Variants in RBMS2 observed in about 807,000 individuals in gnomAD.
The protein encoded by RBMS2 is RNA-binding motif, single-stranded-interacting protein 2.
Under a neutral mutation model 58.4 loss-of-function variants are expected in RBMS2, and 38 were observed. That is an observed-to-expected ratio of 0.65 (90% CI 0.50 to 0.85). The LOEUF is 0.85. Among genes scored for constraint, RBMS2 ranks in the 40% least tolerant of loss-of-function variants. The pLI is 0.00. For synonymous variants in RBMS2, 151 were observed against 180.7 expected (o/e 0.84, Z 1.32); for missense variants, 367 against 503.7 (o/e 0.73, Z 2.60).
chr12:56,548,771 A>G (rs2638296), intron 1 of RBMS2, among the ~76,000 whole-genome samples: 143,674 of 152,182 alleles, frequency 0.94, 68,192 homozygotes, highest in East Asian at 1. Context: ...TTAGCAAACC[A>G]TGTGTTTATT....
At position 56,589,308 on chromosome 12, in the gene RBMS2, T is replaced by A. The variant is rs1885127852; in HGVS notation, c.*175T>A. On this transcript the variant is annotated 3_prime_UTR_variant, in exon 14 of 14. Transcript: ENST00000262031. The stretch of plus-strand genomic sequence containing the variant: ...GGCCTGGAAAAAGAAATCTCTACGT[T>A]CCTGCCCTTTACTATTGCTGATGGA... The A allele has an allele frequency of 7.4e-7, 1 of 1,347,012 alleles. No individual in the cohort carries two copies. Among genetic ancestry groups the A allele is most frequent in the Non-Finnish European group, 9.7e-7 (1 of 1,032,458 alleles). The allele number at this position is 1,347,012 out of a possible 1,614,324, so 83.4% of individuals were successfully genotyped here. A position where few individuals can be genotyped will look rare whatever the true frequency, so the allele number is the denominator to read the frequency against.
intron 10 of RBMS2, 26 bp downstream of exon 10, chr12:56,586,952 C>A (rs756499687): frequency 8.8e-6 from 14 of 1,594,232 alleles, no homozygotes; most frequent in Admixed American, 1.7e-5. Context: ...TGGGCAGAAG[C>A]CAAAGAGGCA....
At chr12:56,527,863 A>T (rs764502849) in intron 1 of RBMS2, 1 of 151,218 alleles carries the variant, frequency 6.6e-6, no homozygotes, top group Admixed American at 6.7e-5. Context: ...CTTATTCCAT[A>T]GGAGAATATG....
chr12:56,529,658 G>A (rs747029680), intron 1 of RBMS2, among the ~76,000 whole-genome samples: 1 of 152,126 alleles, frequency 6.6e-6, no homozygotes, highest in Non-Finnish European at 1.5e-5. Flanking sequence ...GCTAAATGTG[G>A]ATGAACCTTA....
Position 56,588,545 on chromosome 12 carries a change from A to G in RBMS2, c.1143+171A>G, listed in dbSNP as rs963823863. 1.1e-4 allele frequency: 69 copies of G among 643,066 alleles called. 1 individual carries two copies. The highest frequency in any genetic ancestry group is 5.4e-5 in the Non-Finnish European group (20 of 367,490). The allele number at this position is 643,066 out of a possible 1,614,324, so 39.8% of individuals were successfully genotyped here. A position where few individuals can be genotyped will look rare whatever the true frequency, so the allele number is the denominator to read the frequency against. Reference sequence around the variant, plus strand: ...GCTCGCTTCGGCAGCATGCATACTAAAATTGGAACAATACAGAGAAGATTA... The same window carrying G: ...GCTCGCTTCGGCAGCATGCATACTAGAATTGGAACAATACAGAGAAGATTA... On this transcript the variant is annotated intron_variant, in intron 12 of 13. Transcript: ENST00000262031.
chr12:56,586,838 G>A lies in RBMS2; in HGVS notation c.874-11G>A, dbSNP rs756367193. On this transcript the variant is annotated splice_polypyrimidine_tract_variant and intron_variant, in intron 9 of 13. Transcript: ENST00000262031. ...CCAGGCAATTAACATTTTTGTTTTT[G>A]CTTGTTTTAGAGAGTGACTCAGACA... The A allele has an allele frequency of 4.4e-6, 7 of 1,608,798 alleles. No homozygotes were observed. Among genetic ancestry groups the A allele is most frequent in the Non-Finnish European group, 3.4e-6 (4 of 1,175,672 alleles).
intron 1 of RBMS2, among the ~76,000 whole-genome samples, chr12:56,527,204 T>C (rs775803366): frequency 2.6e-5 from 4 of 152,234 alleles, no homozygotes; most frequent in Non-Finnish European, 4.4e-5. Flanking sequence ...CTTTTCCTTC[T>C]AGTTTCCATC....
At chr12:56,538,836 A>G (rs1202189126) in intron 1 of RBMS2, among the ~76,000 whole-genome samples, 1 of 151,892 alleles carries the variant, frequency 6.6e-6, no homozygotes, top group Admixed American at 6.6e-5. Context: ...GTCTTTCCAT[A>G]TATTTGTGTC....
chr12:56,582,841 G>GT lies in RBMS2; in HGVS notation c.873+697dup, dbSNP rs542896033. On this transcript the variant is annotated intron_variant, in intron 9 of 13. Coordinates refer to ENST00000262031, the MANE Select transcript of RBMS2 (RefSeq NM_002898.4). ...GCGCCACCACGCCCAGCTAATTTTT[G>GT]TTTTTTTTAGTAGAGACGGGGTTTC... 2.8e-4 allele frequency among the ~76,000 whole-genome samples: 43 copies of GT among 151,802 alleles called. 1 individual carries two copies. Among genetic ancestry groups the GT allele is most frequent in the Admixed American group, 2.0e-3 (30 of 15,250 alleles).
chr12:56,532,267 G>A (rs200794762), intron 1 of RBMS2, among the ~76,000 whole-genome samples: 2 of 147,856 alleles, frequency 1.4e-5, no homozygotes, highest in East Asian at 4.1e-4. Flanking sequence ...AATTGGCCAG[G>A]TGCGGTGGCT....
At chr12:56,570,374 T>C (rs1187249796) in intron 4 of RBMS2, among the ~76,000 whole-genome samples, 1 of 152,172 alleles carries the variant, frequency 6.6e-6, no homozygotes, top group East Asian at 1.9e-4. Context: ...TTCAGAACAA[T>C]GCTCTCCACC....
At chr12:56,549,215 G>A (rs1326981566) in intron 1 of RBMS2, among the ~76,000 whole-genome samples, 2 of 151,954 alleles carry the variant, frequency 1.3e-5, no homozygotes, top group Non-Finnish European at 2.9e-5. Context: ...GGCTGGTCTT[G>A]TACTCCTGAC....
intron 1 of RBMS2, among the ~76,000 whole-genome samples, chr12:56,533,672 T>A (rs1201683601): frequency 6.6e-6 from 1 of 151,968 alleles, no homozygotes; most frequent in Non-Finnish European, 1.5e-5. Flanking sequence ...CACCTTGGCC[T>A]CCCAAAGTGC....
rs1362827239 is a variant in RBMS2, at chr12:56,557,731, C to T, written c.67-4686C>T. Among the ~76,000 whole-genome samples, 12 of 149,142 alleles carry T rather than the reference C, an allele frequency of 8.0e-5. No homozygotes were observed. The South Asian group carries it at 2.1e-3, about 26-fold the overall frequency. On this transcript the variant is annotated intron_variant, in intron 1 of 13. Coordinates refer to ENST00000262031, the MANE Select transcript of RBMS2 (RefSeq NM_002898.4). ...GCAGCAAACCAATAGCCTCTTTTTTCTTTTCTTTTCTTTTTTTTTTTTTTG... is the reference window on the plus strand; with the variant it reads ...GCAGCAAACCAATAGCCTCTTTTTTTTTTTCTTTTCTTTTTTTTTTTTTTG...
chr12:56,538,351 T>C (rs2694911), intron 1 of RBMS2, among the ~76,000 whole-genome samples: 2,809 of 151,762 alleles, frequency 0.019, 40 homozygotes, highest in Admixed American at 0.033. Flanking sequence ...GGGATTTTGA[T>C]AGGGATTACA....
At chr12:56,549,333 C>G (rs1877819907) in intron 1 of RBMS2, among the ~76,000 whole-genome samples, 2 of 151,934 alleles carry the variant, frequency 1.3e-5, no homozygotes, top group African/African-American at 4.8e-5. Flanking sequence ...TTTACTTATA[C>G]TAGATTATAA....
At chr12:56,579,514 T>A (rs1257155065) in intron 5 of RBMS2, among the ~76,000 whole-genome samples, 1 of 151,570 alleles carries the variant, frequency 6.6e-6, no homozygotes, top group African/African-American at 2.4e-5. Flanking sequence ...GCACCTGTAG[T>A]CCCAGCTTAC....
At chr12:56,558,942 G>C (rs1049084700) in intron 1 of RBMS2, among the ~76,000 whole-genome samples, 1 of 151,838 alleles carries the variant, frequency 6.6e-6, no homozygotes, top group African/African-American at 2.4e-5. Flanking sequence ...TGTTGCTCAG[G>C]CTAGTCTCTA....
At chr12:56,524,252 A>G (rs1872248097) in intron 1 of RBMS2, among the ~76,000 whole-genome samples, 1 of 152,158 alleles carries the variant, frequency 6.6e-6, no homozygotes, top group African/African-American at 2.4e-5. Context: ...AGGTAGATAC[A>G]TAATTACTAA....
Sources: allele counts gnomAD v4.1 joint callset (sites outside exome capture counted in the v4.1 genomes callset), GRCh38; gene constraint gnomAD v4.1.1; transcripts MANE v1.5; gene names NCBI Gene and HGNC (gene_info 2026-07-23, HGNC 2026-07-21).